The following DNAJB6 variants were observed in gnomAD, a reference collection of about 807,000 sequenced individuals.
DNAJB6 encodes the protein DnaJ heat shock protein family (Hsp40) member B6.
Under a neutral mutation model 42.7 loss-of-function variants are expected in DNAJB6, and 16 were observed. The observed-to-expected ratio is 0.37, with a 90% CI of 0.25 to 0.57. The LOEUF is 0.57. DNAJB6 is among the 20% of genes least tolerant of loss of function. The probability of loss-of-function intolerance (pLI) is 0.74; values close to 1 mark genes in which losing one functional copy is unlikely to be tolerated. For missense variants in DNAJB6, 347 were observed against 416.8 expected (o/e 0.83, Z 1.46); for synonymous variants, 170 against 163.5 (o/e 1.04, Z -0.30).
intron 5 of DNAJB6, among the ~76,000 whole-genome samples, chr7:157,369,748 C>T (rs1018345525): frequency 6.9e-6 from 1 of 144,188 alleles, no homozygotes. Flanking sequence ...TAAACAGGCC[C>T]CTTCTTAACA....
intron 1 of DNAJB6, among the ~76,000 whole-genome samples, chr7:157,344,493 A>G (rs528625815): frequency 6.6e-6 from 1 of 152,266 alleles, no homozygotes; most frequent in East Asian, 1.9e-4. Flanking sequence ...AGCCTGGGCA[A>G]CAGAGTGAGA....
intron 8 of DNAJB6, among the ~76,000 whole-genome samples, chr7:157,388,709 G>A (rs1801202077): frequency 6.6e-6 from 1 of 151,974 alleles, no homozygotes; most frequent in African/African-American, 2.4e-5. Flanking sequence ...TAGTGCTGCT[G>A]TCACCCAAGC....
intron 1 of DNAJB6, among the ~76,000 whole-genome samples, chr7:157,341,504 C>T (rs1455069687): frequency 6.6e-6 from 1 of 152,150 alleles, no homozygotes; most frequent in Non-Finnish European, 1.5e-5. Flanking sequence ...TATGATTTTT[C>T]CCCCTTTGAT....
intron 3 of DNAJB6, among the ~76,000 whole-genome samples, chr7:157,365,677 T>C (rs1212348722): frequency 1.3e-5 from 2 of 152,198 alleles, no homozygotes; most frequent in African/African-American, 4.8e-5. Context: ...AATTTTTTTT[T>C]GCTTTTGAGA....
chr7:157,360,305 C>T (rs1001176815), intron 2 of DNAJB6, among the ~76,000 whole-genome samples: 9 of 152,130 alleles, frequency 5.9e-5, no homozygotes, highest in Non-Finnish European at 1.2e-4. Context: ...GGCTTATTAT[C>T]AGGAGAATAG....
rs994953936 is a variant in DNAJB6, at chr7:157,363,417, T to G, written c.175+147T>G. ...GATTTTGGGCCCTTCTAAGAGATTT[T>G]TACTTTTCTCGTGAAGATTTGAATT... is the stretch of plus-strand genomic sequence containing the variant. On this transcript the variant is annotated intron_variant, in intron 3 of 9. Transcript: ENST00000262177. 1.1e-5 allele frequency: 6 copies of G among 555,212 alleles called. No individual in the cohort carries two copies. The African/African-American group carries it at 1.1e-4, about 11-fold the overall frequency. 34.4% of individuals were successfully genotyped at this position (555,212 alleles called of 1,614,324 possible). A position where few individuals can be genotyped will look rare whatever the true frequency, so the allele number is the denominator to read the frequency against.
chr7:157,337,956 G>T (rs1317408749), intron 1 of DNAJB6: 1 of 152,160 alleles, frequency 6.6e-6, no homozygotes, highest in Admixed American at 6.6e-5. Flanking sequence ...AGGAAACAGC[G>T]CAAGTAGAAC....
At chr7:157,355,260 A>C (rs1376284194) in intron 1 of DNAJB6, among the ~76,000 whole-genome samples, 3 of 152,170 alleles carry the variant, frequency 2.0e-5, no homozygotes, top group Non-Finnish European at 4.4e-5. Context: ...CCCGGGGTTC[A>C]CGCCGTTCTC....
intron 8 of DNAJB6, 40 bp from the exon 9 acceptor site, chr7:157,409,755 C>A: frequency 6.7e-7 from 1 of 1,488,060 alleles, no homozygotes; most frequent in Non-Finnish European, 8.9e-7. Context: ...CCGGCCGCCG[C>A]CGCTCACTCA....
At chr7:157,339,824 A>C (rs945510424) in intron 1 of DNAJB6, 2 of 152,124 alleles carry the variant, frequency 1.3e-5, no homozygotes, top group Admixed American at 6.6e-5. Flanking sequence ...ACGAGGTTTC[A>C]CTATGTTGTT....
rs895562842 is a variant in DNAJB6 at position 157,385,068 on chromosome 7, C to A, written c.620+60C>A. On this transcript the variant is annotated intron_variant, in intron 7 of 9. Coordinates refer to ENST00000262177, the MANE Select transcript of DNAJB6 (RefSeq NM_058246.4). ...AGCAGGCGTAACGTTTCACTGGTGCCATGTTGCACGTCTCCCAGAGTGTGA... is the reference window on the plus strand; with the variant it reads ...AGCAGGCGTAACGTTTCACTGGTGCAATGTTGCACGTCTCCCAGAGTGTGA... 13 of 1,541,220 alleles carry A rather than the reference C, an allele frequency of 8.4e-6. No individual in the cohort carries two copies. The Admixed American group carries it at 1.8e-4, about 21-fold the overall frequency.
At chr7:157,383,000 TG>T (rs1800863820) in intron 6 of DNAJB6, among the ~76,000 whole-genome samples, 3 of 152,050 alleles carry the variant, frequency 2.0e-5, no homozygotes. Context: ...CTTTTTTTTT[TG>T]TTGTGTTTTG....
intron 9 of DNAJB6, chr7:157,410,392 G>C (rs1309689328): frequency 2.7e-6 from 1 of 375,848 alleles, no homozygotes; most frequent in East Asian, 4.0e-5. Context: ...GTTTGCCCCT[G>C]CCCCTCCGTC....
At chr7:157,351,811 A>C (rs7456551) in intron 1 of DNAJB6, among the ~76,000 whole-genome samples, 2 of 151,558 alleles carry the variant, frequency 1.3e-5, no homozygotes, top group African/African-American at 4.9e-5. Flanking sequence ...TTTAAAAAAA[A>C]CCCAAAAAAC....
intron 5 of DNAJB6, among the ~76,000 whole-genome samples, chr7:157,370,052 T>C (rs1313148367): frequency 2.7e-5 from 4 of 145,516 alleles, no homozygotes; most frequent in African/African-American, 1.1e-4. Context: ...AAACAGGTCT[T>C]TCATAACGTT....
chr7:157,351,442 G>A (rs1292321496), intron 1 of DNAJB6, among the ~76,000 whole-genome samples: 8 of 151,478 alleles, frequency 5.3e-5, no homozygotes, highest in African/African-American at 1.7e-4. Context: ...ATCCTGGCTG[G>A]CATGGTGAAA....
rs60530216 is a variant in DNAJB6 at position 157,352,342 on chromosome 7, G to GTA, written c.-26-6194_-26-6193dup. Among the ~76,000 whole-genome samples the GTA allele has an allele frequency of 4.5e-3, 687 of 151,452 alleles. 6 individuals carry two copies. The highest frequency in any genetic ancestry group is 0.016 in the African/African-American group (649 of 41,288). ...TGTCTCAAAATATATACATATATAT[G>GTA]TATATATATATAATTTTCTTTTTTA... On this transcript the variant is annotated intron_variant, in intron 1 of 9. Transcript: ENST00000262177.
In DNAJB6 at chr7:157,366,548, T is replaced by C; in HGVS notation, c.222T>C (p.Asn74=). 6.2e-7 allele frequency: 1 copy of C among 1,613,974 alleles called. No individual in the cohort carries two copies. Among genetic ancestry groups the C allele is most frequent in the Non-Finnish European group, 8.5e-7 (1 of 1,179,940 alleles). The change falls in exon 4 of 10, where the codon AAT becomes AAC. Residue 74 remains asparagine, a synonymous_variant. Coordinates refer to ENST00000262177, the MANE Select transcript of DNAJB6 (RefSeq NM_058246.4). ...ACAAATATGGCAAAGAAGGATTAAA[T>C]GGTGGAGGAGGAGGTAAGTACGTGA... is the stretch of plus-strand genomic sequence containing the variant. ...IYDKYGKEGL[N]GGGGGGSHFD... is the part of the protein sequence containing the mutation.
rs531647268 is a variant in DNAJB6 at position 157,399,578 on chromosome 7, C to T, written c.692-10217C>T. Reference sequence around the variant, plus strand: ...CCTGCAGCCTGGGTGTGGAGTGGGCCGTGCCCTCTAGGCCTGAGTGCGGTG... The same window carrying T: ...CCTGCAGCCTGGGTGTGGAGTGGGCTGTGCCCTCTAGGCCTGAGTGCGGTG... On this transcript the variant is annotated intron_variant, in intron 8 of 9. Transcript: ENST00000262177. Among the ~76,000 whole-genome samples, 33 of 152,342 alleles carry T rather than the reference C, an allele frequency of 2.2e-4. No homozygotes were observed. In the South Asian group the frequency reaches 5.8e-3, roughly 27 times the overall value.
Sources: gnomAD v4.1 joint callset for allele counts (sites outside exome capture counted in the v4.1 genomes callset) on GRCh38, gnomAD v4.1.1 for gene constraint, MANE v1.5 for transcripts, NCBI Gene and HGNC (gene_info 2026-07-23, HGNC 2026-07-21) for gene names.